Variants in IQCE observed in about 807,000 individuals in gnomAD.
IQCE encodes IQ domain-containing protein E.
A neutral mutation model predicts 96.0 loss-of-function variants in IQCE; 115 were observed. The observed-to-expected ratio is 1.20, with a 90% confidence interval of 1.03 to 1.40. The LOEUF (loss-of-function observed/expected upper bound fraction) is 1.40, where lower values mean the gene tolerates loss of function less well. Ranked by LOEUF, IQCE falls within the 40% of genes most tolerant of loss-of-function variation. IQCE has a pLI of 0.00. For synonymous variants in IQCE, 412 were observed against 371.2 expected, an observed-to-expected ratio of 1.11 and a Z score of -1.26; for missense variants, 1,041 against 909.1, an observed-to-expected ratio of 1.15 and a Z score of -1.87.
chr7:2,586,516 G>A lies in IQCE; in HGVS notation c.988+145G>A, dbSNP rs377261196. The A allele has an allele frequency of 8.1e-5, 70 of 859,418 alleles. No homozygotes were observed. In the African/African-American group the frequency reaches 1.0e-3, roughly 13 times the overall value. The allele number at this position is 859,418 out of a possible 1,614,324, so 53.2% of individuals were successfully genotyped here. ...GCAACGCCAGTTCCCACATGTGCCAGCACCTGCCGCGGGCCACGCGATGCC... is the reference window on the plus strand; with the variant it reads ...GCAACGCCAGTTCCCACATGTGCCAACACCTGCCGCGGGCCACGCGATGCC... On this transcript the variant is annotated intron_variant, in intron 12 of 21. Coordinates refer to ENST00000402050, the MANE Select transcript of IQCE (RefSeq NM_152558.5).
At chr7:2,605,060 A>G in intron 19 of IQCE, 69 bp downstream of exon 19, 1 of 1,120,216 alleles carries the variant, frequency 8.9e-7, no homozygotes, top group East Asian at 2.5e-5. Flanking sequence ...CCATCCATCG[A>G]GAAAGCGTAG....
intron 20 of IQCE, among the ~76,000 whole-genome samples, chr7:2,606,527 C>T (rs1157942786): frequency 6.6e-6 from 1 of 152,206 alleles, no homozygotes; most frequent in South Asian, 2.1e-4. Context: ...GGGGAAGAGA[C>T]GGCCCCGCTC....
chr7:2,601,140 T>TG (rs1784402298), intron 17 of IQCE, among the ~76,000 whole-genome samples: 1 of 152,232 alleles, frequency 6.6e-6, no homozygotes, highest in Non-Finnish European at 1.5e-5. Context: ...CTTGGCCTAA[T>TG]GGAGTCCCTT....
chr7:2,599,827 C>T (rs920999812), intron 17 of IQCE, among the ~76,000 whole-genome samples: 1 of 148,148 alleles, frequency 6.8e-6, no homozygotes, highest in Non-Finnish European at 1.5e-5. Flanking sequence ...GAGTTTCGCT[C>T]TTGTGGCCCA....
At chr7:2,573,080 T>C (rs1211359672) in intron 5 of IQCE, among the ~76,000 whole-genome samples, 1 of 152,254 alleles carries the variant, frequency 6.6e-6, no homozygotes, top group Non-Finnish European at 1.5e-5. Context: ...GCATTTTTTG[T>C]GTTTGGTATT....
intron 20 of IQCE, 100 bp downstream of exon 20, chr7:2,606,097 T>C (rs1784802785): frequency 7.2e-7 from 1 of 1,382,870 alleles, no homozygotes; most frequent in Admixed American, 2.7e-5. Flanking sequence ...TGGCGGAAAC[T>C]GGAGCAGCGC....
chr7:2,603,295 C>T (rs1389790861), intron 18 of IQCE, among the ~76,000 whole-genome samples: 1 of 152,190 alleles, frequency 6.6e-6, no homozygotes, highest in African/African-American at 2.4e-5. Flanking sequence ...TGTGGTTATT[C>T]TTGCCAGCCT....
intron 1 of IQCE, among the ~76,000 whole-genome samples, chr7:2,561,987 G>A (rs138203365): frequency 2.0e-5 from 3 of 152,202 alleles, no homozygotes; most frequent in African/African-American, 7.2e-5. Flanking sequence ...CTATTAGAAG[G>A]GAAACATTCC....
intron 1 of IQCE, chr7:2,559,437 G>A (rs900479044): frequency 3.5e-6 from 1 of 288,580 alleles, no homozygotes; most frequent in Non-Finnish European, 6.4e-6. Context: ...AGAGGCCGCC[G>A]CTTCCAGGAA....
intron 6 of IQCE, among the ~76,000 whole-genome samples, chr7:2,574,576 G>A (rs778892233): frequency 2.6e-5 from 4 of 152,218 alleles, no homozygotes; most frequent in African/African-American, 9.6e-5. Context: ...TCCTCATTCC[G>A]GTTGGAAGAC....
chr7:2,559,458 A>G, intron 1 of IQCE: 1 of 269,406 alleles, frequency 3.7e-6, no homozygotes, highest in Non-Finnish European at 6.9e-6. Context: ...GCTCTCCGGG[A>G]CGCCGCGCCC....
chr7:2,568,815 G>A lies in IQCE; in HGVS notation c.85-139G>A. 3 of 733,486 alleles carry A rather than the reference G, an allele frequency of 4.1e-6. No homozygotes were observed. In the South Asian group the frequency reaches 5.0e-5, roughly 12 times the overall value. The allele number at this position is 733,486 out of a possible 1,614,324, so 45.4% of individuals were successfully genotyped here. On this transcript the variant is annotated intron_variant, in intron 2 of 21. Transcript: ENST00000402050. ...TCGGGCCCTGCGTGTCCTGTTCCTG[G>A]ACCCTCCTTACGTCCCCGTAAGCTC...
chr7:2,560,286 A>T (rs1780848071), intron 1 of IQCE, among the ~76,000 whole-genome samples: 1 of 152,124 alleles, frequency 6.6e-6, no homozygotes, highest in Non-Finnish European at 1.5e-5. Flanking sequence ...GGGCAAGGAG[A>T]CTGAGCAGAA....
At chr7:2,567,309 A>G in intron 2 of IQCE, 146 bp downstream of exon 2, 1 of 696,346 alleles carries the variant, frequency 1.4e-6, no homozygotes, top group Non-Finnish European at 2.5e-6. Flanking sequence ...TGGTGTTTGA[A>G]AAGTTTCCAG....
intron 8 of IQCE, 41 bp downstream of exon 8, chr7:2,578,567 C>T (rs1462604530): frequency 1.2e-6 from 2 of 1,607,490 alleles, no homozygotes; most frequent in East Asian, 2.2e-5. Context: ...TCCCCAGACG[C>T]TAGTTACTGG....
chr7:2,587,941 T>C, intron 13 of IQCE, 64 bp downstream of exon 13: 1 of 1,473,566 alleles, frequency 6.8e-7, no homozygotes, highest in South Asian at 1.1e-5. Flanking sequence ...GGGGACGGGC[T>C]CACAGGGTGC....
rs140008936 is a variant in IQCE, at chr7:2,589,632, G to A, written c.1045-275G>A. Among the ~76,000 whole-genome samples, 641 of 150,264 alleles carry A rather than the reference G, an allele frequency of 4.3e-3. 1 individual carries two copies. Among genetic ancestry groups the A allele is most frequent in the Admixed American group, 7.8e-3 (117 of 15,074 alleles). On this transcript the variant is annotated intron_variant, in intron 13 of 21. Coordinates refer to ENST00000402050, the MANE Select transcript of IQCE (RefSeq NM_152558.5). ...AGAGTCGTTTGAGTCCCCTCCCCTCGTGCCCTCCTCTCTGTTTTAATGACT... is the reference window on the plus strand; with the variant it reads ...AGAGTCGTTTGAGTCCCCTCCCCTCATGCCCTCCTCTCTGTTTTAATGACT...
intron 5 of IQCE, 44 bp from the exon 6 acceptor site, chr7:2,573,374 A>G (rs62442625): frequency 0.13 from 118,586 of 904,950 alleles, 9,093 homozygotes; most frequent in Non-Finnish European, 0.14. Context: ...AATTCTTTCT[A>G]CTTTGTAGAT....
At chr7:2,591,263 CGAAG>C (rs1562658945) in intron 14 of IQCE, among the ~76,000 whole-genome samples, 1 of 150,740 alleles carries the variant, frequency 6.6e-6, no homozygotes, top group African/African-American at 2.4e-5. Context: ...AAAAAAAAAA[CGAAG>C]GAAGACATAA....
Sources: allele counts gnomAD v4.1 joint callset (sites outside exome capture counted in the v4.1 genomes callset), GRCh38; gene constraint gnomAD v4.1.1; transcripts MANE v1.5; gene names NCBI Gene and HGNC (gene_info 2026-07-23, HGNC 2026-07-21).